Variants in MECOM observed in about 807,000 individuals in gnomAD.
The protein encoded by MECOM is MDS1 and EVI1 complex locus.
A neutral mutation model predicts 116.3 loss-of-function variants in MECOM; 13 were observed. The ratio of observed to expected loss-of-function variants is 0.11; its 90% CI spans 0.07 to 0.18. MECOM has a LOEUF of 0.18. Among genes scored for constraint, MECOM ranks in the 10% least tolerant of loss-of-function variants. The pLI is 1.00. For missense variants in MECOM, 1,299 were observed against 1,509.0 expected, an observed-to-expected ratio of 0.86 and a Z score of 2.31; for synonymous variants, 528 against 535.2, an observed-to-expected ratio of 0.99 and a Z score of 0.19.
intron 12 of MECOM, among the ~76,000 whole-genome samples, chr3:169,097,326 C>T (rs532301216): frequency 1.3e-5 from 2 of 152,200 alleles, no homozygotes; most frequent in East Asian, 1.9e-4. Flanking sequence ...CTCTCCTCTG[C>T]TAAAGTCTTG....
intron 1 of MECOM, among the ~76,000 whole-genome samples, chr3:169,630,193 G>T (rs1360557412): frequency 6.6e-6 from 1 of 152,202 alleles, no homozygotes; most frequent in African/African-American, 2.4e-5. Flanking sequence ...GCCCCTGGGG[G>T]TGAGGGAAAG....
At chr3:169,361,152 T>C (rs1249538186) in intron 2 of MECOM, among the ~76,000 whole-genome samples, 1 of 151,860 alleles carries the variant, frequency 6.6e-6, no homozygotes, top group African/African-American at 2.4e-5. Flanking sequence ...TGTACAGCTC[T>C]TACCTCTCTC....
intron 2 of MECOM, among the ~76,000 whole-genome samples, chr3:169,360,730 T>C (rs1411171159): frequency 6.6e-6 from 1 of 151,836 alleles, no homozygotes; most frequent in East Asian, 1.9e-4. Context: ...TGTTATTTCA[T>C]ATGGAATAAG....
intron 2 of MECOM, among the ~76,000 whole-genome samples, chr3:169,257,916 G>T (rs749660290): frequency 1.1e-4 from 17 of 152,140 alleles, no homozygotes; most frequent in Admixed American, 9.2e-4. Flanking sequence ...TACAAGCAAA[G>T]AACATGCAGT....
chr3:169,465,685 T>C (rs1441058761), intron 1 of MECOM, among the ~76,000 whole-genome samples: 1 of 152,080 alleles, frequency 6.6e-6, no homozygotes, highest in Non-Finnish European at 1.5e-5. Context: ...TAATTTATCT[T>C]TCACATTTTA....
intron 1 of MECOM, among the ~76,000 whole-genome samples, chr3:169,443,589 T>C (rs1744109851): frequency 6.6e-6 from 1 of 152,214 alleles, no homozygotes; most frequent in Admixed American, 6.5e-5. Flanking sequence ...GTTCCCATCA[T>C]TCCATGAAAA....
intron 1 of MECOM, among the ~76,000 whole-genome samples, chr3:169,525,757 G>C (rs1285120978): frequency 6.6e-6 from 1 of 152,326 alleles, no homozygotes; most frequent in South Asian, 2.1e-4. Context: ...AGCCGGGCGT[G>C]ATGGCTCACG....
intron 2 of MECOM, among the ~76,000 whole-genome samples, chr3:169,334,068 C>T (rs911481605): frequency 6.6e-6 from 1 of 151,956 alleles, no homozygotes; most frequent in Non-Finnish European, 1.5e-5. Flanking sequence ...AAAAAACTTT[C>T]TAGAATGGAA....
chr3:169,583,315 C>T (rs565823398), intron 1 of MECOM, among the ~76,000 whole-genome samples: 5 of 152,164 alleles, frequency 3.3e-5, no homozygotes, highest in African/African-American at 1.2e-4. Context: ...TTATATCCCT[C>T]GATAACACTG....
chr3:169,318,223 T>C (rs1423492250), intron 2 of MECOM, among the ~76,000 whole-genome samples: 1 of 152,146 alleles, frequency 6.6e-6, no homozygotes, highest in Non-Finnish European at 1.5e-5. Context: ...AAAGACTTCA[T>C]GACTAAAACA....
intron 1 of MECOM, among the ~76,000 whole-genome samples, chr3:169,592,734 C>A (rs965614310): frequency 6.6e-6 from 1 of 152,078 alleles, no homozygotes; most frequent in African/African-American, 2.4e-5. Flanking sequence ...TCTTAGAGTC[C>A]CTTGCCATGC....
intron 1 of MECOM, among the ~76,000 whole-genome samples, chr3:169,635,258 T>C (rs1772591753): frequency 6.6e-6 from 1 of 152,238 alleles, no homozygotes; most frequent in African/African-American, 2.4e-5. Context: ...TTGCAAAAAT[T>C]AAATGAGTTA....
chr3:169,104,791 T>C (rs1372783849), intron 10 of MECOM, among the ~76,000 whole-genome samples: 1 of 152,216 alleles, frequency 6.6e-6, no homozygotes, highest in African/African-American at 2.4e-5. Context: ...GAGAAATGTG[T>C]CTTGCTTTAG....
At chr3:169,640,907 C>A (rs1313465612) in intron 1 of MECOM, among the ~76,000 whole-genome samples, 1 of 152,158 alleles carries the variant, frequency 6.6e-6, no homozygotes, top group East Asian at 1.9e-4. Flanking sequence ...CAGTGCATGC[C>A]TTTGTGAAGA....
At chr3:169,343,185 G>T (rs1458547457) in intron 2 of MECOM, among the ~76,000 whole-genome samples, 1 of 152,134 alleles carries the variant, frequency 6.6e-6, no homozygotes, top group Non-Finnish European at 1.5e-5. Context: ...TGTTTTGGCT[G>T]ATGACAATGC....
intron 1 of MECOM, among the ~76,000 whole-genome samples, chr3:169,547,213 T>C (rs1461644320): frequency 1.3e-5 from 2 of 152,142 alleles, no homozygotes; most frequent in African/African-American, 2.4e-5. Flanking sequence ...TATGTGGCAC[T>C]TCCCCCTTTG....
At chr3:169,197,601 A>G (rs1413691630) in intron 2 of MECOM, among the ~76,000 whole-genome samples, 2 of 152,024 alleles carry the variant, frequency 1.3e-5, no homozygotes, top group Non-Finnish European at 2.9e-5. Context: ...TTAGAGTCAC[A>G]AGAAACTTAA....
chr3:169,519,866 C>T (rs1438317734), intron 1 of MECOM, among the ~76,000 whole-genome samples: 1 of 152,258 alleles, frequency 6.6e-6, no homozygotes, highest in Non-Finnish European at 1.5e-5. Flanking sequence ...CCCATTCAGG[C>T]ATGTTGTTCA....
chr3:169,574,243 T>C (rs932171694), intron 1 of MECOM, among the ~76,000 whole-genome samples: 7 of 152,182 alleles, frequency 4.6e-5, no homozygotes, highest in African/African-American at 1.7e-4. Context: ...TGAGCTGACC[T>C]ACAGATGAAT....
Sources: allele counts gnomAD v4.1 joint callset (sites outside exome capture counted in the v4.1 genomes callset), GRCh38; gene constraint gnomAD v4.1.1; transcripts MANE v1.5; gene names NCBI Gene and HGNC (gene_info 2026-07-23, HGNC 2026-07-21).